ARHGAP22: variants seen among roughly 807,000 people sequenced by gnomAD.
The protein encoded by ARHGAP22 is Rho GTPase activating protein 22.
ARHGAP22 carries 48 observed loss-of-function variants against 59.1 expected under a neutral mutation model. The observed-to-expected ratio is 0.81, with a 90% confidence interval of 0.64 to 1.03. The LOEUF is 1.03. Among genes scored for constraint, ARHGAP22 ranks in the 50% least tolerant of loss-of-function variants. ARHGAP22 has a pLI of 0.00. For synonymous variants in ARHGAP22, 445 were observed against 416.4 expected, an observed-to-expected ratio of 1.07 and a Z score of -0.84; for missense variants, 1,015 against 958.7, an observed-to-expected ratio of 1.06 and a Z score of -0.78.
the ARHGAP22 span, chr10:48,438,970 G>A: frequency 1.3e-5 from 2 of 152,150 alleles, no homozygotes; most frequent in African/African-American, 4.8e-5. Flanking sequence ...TTTTTGAGAA[G>A]CTGTTAATCT....
intron 2 of ARHGAP22, among the ~76,000 whole-genome samples, chr10:48,572,809 T>C (rs371089245): frequency 1.3e-5 from 2 of 152,132 alleles, no homozygotes; most frequent in African/African-American, 2.4e-5. Flanking sequence ...AATTTATAAA[T>C]TGTGTGATTT....
chr10:48,636,451 G>A (rs192222397), intron 1 of ARHGAP22, among the ~76,000 whole-genome samples: 2 of 152,256 alleles, frequency 1.3e-5, no homozygotes, highest in East Asian at 3.9e-4. Flanking sequence ...TGCCCACTGG[G>A]CTGCTCCTGC....
At position 48,459,266 on chromosome 10, in the gene ARHGAP22, G is replaced by A. The variant is rs537110049; in HGVS notation, c.659+418C>T. 4.6e-5 allele frequency among the ~76,000 whole-genome samples: 7 copies of A among 152,350 alleles called. No individual in the cohort carries two copies. The South Asian group carries it at 1.2e-3, about 27-fold the overall frequency. On this transcript the variant is annotated intron_variant, in intron 5 of 9. Coordinates refer to ENST00000249601, the MANE Select transcript of ARHGAP22 (RefSeq NM_021226.4). Reference sequence around the variant, plus strand: ...GTCCCCAGAACCCAAAAGGAGGGGAGCCGAGCTGCTGTGCCATCTTGCCAT... The same window carrying A: ...GTCCCCAGAACCCAAAAGGAGGGGAACCGAGCTGCTGTGCCATCTTGCCAT...
intron 2 of ARHGAP22, among the ~76,000 whole-genome samples, chr10:48,573,581 T>C (rs1265933857): frequency 6.6e-6 from 1 of 152,242 alleles, no homozygotes; most frequent in Non-Finnish European, 1.5e-5. Flanking sequence ...GTTTTCTAGA[T>C]CTGCAACTTC....
upstream of ARHGAP22, among the ~76,000 whole-genome samples, chr10:48,606,686 C>A (rs994551655): frequency 6.6e-6 from 1 of 152,174 alleles, no homozygotes; most frequent in Non-Finnish European, 1.5e-5. Context: ...TGTGTTTTTG[C>A]ACATGTAGCT....
At chr10:48,655,112 C>CTCTTCTCTTTTCTTTTCTTTTCTTT (rs1554968197), upstream of ARHGAP22, among the ~76,000 whole-genome samples, 6 of 33,402 alleles carry the variant, frequency 1.8e-4, no homozygotes, top group Admixed American at 3.8e-4. Flanking sequence ...CTCTTCTCTT[C>CTCTTCTCTTTTCTTTTCTTTTCTTT]TCTTTCCTCT....
chr10:48,637,056 G>T (rs191578393), intron 1 of ARHGAP22, among the ~76,000 whole-genome samples: 1 of 152,318 alleles, frequency 6.6e-6, no homozygotes, highest in Non-Finnish European at 1.5e-5. Context: ...CAGAAAAGCT[G>T]CCTGCATACA....
At chr10:48,531,206 T>C (rs1282641131) in intron 3 of ARHGAP22, among the ~76,000 whole-genome samples, 3 of 152,166 alleles carry the variant, frequency 2.0e-5, no homozygotes, top group Non-Finnish European at 4.4e-5. Context: ...TCACTCATAA[T>C]TGGGAGCTAA....
chr10:48,439,977 G>A, the ARHGAP22 span, among the ~76,000 whole-genome samples: 1 of 152,242 alleles, frequency 6.6e-6, no homozygotes, highest in African/African-American at 2.4e-5. Context: ...TGGCAGCTGA[G>A]CTGTTTCATC....
At chr10:48,584,695 T>A (rs980555660) in intron 1 of ARHGAP22, among the ~76,000 whole-genome samples, 3 of 152,204 alleles carry the variant, frequency 2.0e-5, no homozygotes, top group Non-Finnish European at 4.4e-5. Flanking sequence ...AACATGACAG[T>A]AAATATTACA....
chr10:48,450,436 C>T lies in ARHGAP22; in HGVS notation c.1693G>A (p.Asp565Asn). 1 of 1,562,376 alleles carries T rather than the reference C, an allele frequency of 6.4e-7. No individual in the cohort carries two copies. Among genetic ancestry groups the T allele is most frequent in the Non-Finnish European group, 8.7e-7 (1 of 1,154,088 alleles). Residue 565 changes from aspartate (D) to asparagine (N), a missense_variant, in exon 9 of 10, where the codon GAC becomes AAC. Transcript: ENST00000249601. Reference protein sequence around the residue: ...PSSSEDPKSLDLDHSMDEAGA... With the variant: ...PSSSEDPKSLNLDHSMDEAGA... The stretch of plus-strand genomic sequence containing the variant: ...GCCTCGTCCATGCTGTGGTCCAGGT[C>T]CAGGGACTTGGGGTCCTCGCTGCTG...
chr10:48,608,270 T>G (rs1203469505), upstream of ARHGAP22, among the ~76,000 whole-genome samples: 1 of 152,120 alleles, frequency 6.6e-6, no homozygotes, highest in Non-Finnish European at 1.5e-5. Context: ...TTGAGACAAC[T>G]CCACCCAGAG....
intron 1 of ARHGAP22, among the ~76,000 whole-genome samples, chr10:48,643,730 T>TG (rs2062160568): frequency 7.3e-6 from 1 of 137,612 alleles, no homozygotes; most frequent in African/African-American, 3.2e-5. Flanking sequence ...TATGCACATG[T>TG]ACCTAGAACT....
At chr10:48,511,242 G>A (rs796469589) in intron 3 of ARHGAP22, among the ~76,000 whole-genome samples, 7 of 152,354 alleles carry the variant, frequency 4.6e-5, no homozygotes, top group African/African-American at 1.7e-4. Context: ...TCCTGCTCTC[G>A]GTGCCTTCGT....
intron 4 of ARHGAP22, among the ~76,000 whole-genome samples, chr10:48,472,205 C>T (rs779910043): frequency 3.3e-5 from 5 of 149,976 alleles, no homozygotes; most frequent in African/African-American, 4.9e-5. Context: ...AAGACTCAGT[C>T]TCAAAAAAAG....
At chr10:48,452,705 C>T (rs1469937468) in intron 8 of ARHGAP22, among the ~76,000 whole-genome samples, 2 of 152,224 alleles carry the variant, frequency 1.3e-5, no homozygotes, top group East Asian at 3.9e-4. Context: ...GTCTGGCTGA[C>T]TGGCCTCTGG....
At chr10:48,496,012 G>T (rs1213346457) in intron 3 of ARHGAP22, among the ~76,000 whole-genome samples, 1 of 152,112 alleles carries the variant, frequency 6.6e-6, no homozygotes, top group Non-Finnish European at 1.5e-5. Context: ...GCCTTCAGAT[G>T]AGCCCACAGT....
At chr10:48,472,768 C>G (rs1037667689) in intron 4 of ARHGAP22, among the ~76,000 whole-genome samples, 1 of 151,916 alleles carries the variant, frequency 6.6e-6, no homozygotes, top group African/African-American at 2.4e-5. Flanking sequence ...CCTCTTTCAA[C>G]ACCGTATGAA....
intron 1 of ARHGAP22, among the ~76,000 whole-genome samples, chr10:48,585,970 A>AACAGC (rs2059401939): frequency 6.6e-6 from 1 of 152,158 alleles, no homozygotes; most frequent in Admixed American, 6.5e-5. Flanking sequence ...TCTGAAGCCC[A>AACAGC]ACAGCGCCCT....
Sources: allele counts gnomAD v4.1 joint callset (sites outside exome capture counted in the v4.1 genomes callset), GRCh38; gene constraint gnomAD v4.1.1; transcripts MANE v1.5; gene names NCBI Gene and HGNC (gene_info 2026-07-23, HGNC 2026-07-21).